Variants in ATRNL1 observed in about 807,000 individuals in gnomAD.
ATRNL1 encodes attractin-like protein 1.
ATRNL1 carries 95 observed loss-of-function variants against 182.7 expected under a neutral mutation model. That is an observed-to-expected ratio of 0.52 (90% CI 0.44 to 0.62). ATRNL1 has a LOEUF of 0.62. ATRNL1 is among the 20% of genes least tolerant of loss of function. The pLI, the probability that ATRNL1 is intolerant of heterozygous loss-of-function variation, is 0.00. For missense variants in ATRNL1, 1,471 were observed against 1,679.5 expected (o/e 0.88, Z 2.17); for synonymous variants, 576 against 568.3 (o/e 1.01, Z -0.19).
At chr10:115,641,969 G>A (rs1314178875) in intron 26 of ATRNL1, among the ~76,000 whole-genome samples, 1 of 151,892 alleles carries the variant, frequency 6.6e-6, no homozygotes, top group Middle Eastern at 3.2e-3. Flanking sequence ...GTATGTGATT[G>A]ATTACTTAAA....
chr10:115,104,173 G>C (rs549073926), intron 1 of ATRNL1, among the ~76,000 whole-genome samples: 9 of 152,272 alleles, frequency 5.9e-5, no homozygotes, highest in African/African-American at 2.2e-4. Flanking sequence ...ATGTAAGAGG[G>C]TTCCCTTTTC....
intron 17 of ATRNL1, among the ~76,000 whole-genome samples, chr10:115,313,285 T>G (rs937433956): frequency 2.6e-4 from 40 of 152,220 alleles, no homozygotes; most frequent in African/African-American, 9.6e-4. Context: ...AATTTATTTT[T>G]GATTCAACTG....
intron 19 of ATRNL1, among the ~76,000 whole-genome samples, chr10:115,341,794 T>A (rs1399888974): frequency 6.6e-6 from 1 of 152,172 alleles, no homozygotes; most frequent in Non-Finnish European, 1.5e-5. Context: ...CTTTTGTTTT[T>A]CGTCTTGAAA....
chr10:115,569,118 G>C (rs1314062798), intron 26 of ATRNL1, among the ~76,000 whole-genome samples: 1 of 151,934 alleles, frequency 6.6e-6, no homozygotes, highest in Non-Finnish European at 1.5e-5. Flanking sequence ...AACCTCATCT[G>C]TTAGAGTTGA....
intron 5 of ATRNL1, among the ~76,000 whole-genome samples, chr10:115,138,019 A>C (rs1845594120): frequency 6.6e-6 from 1 of 152,218 alleles, no homozygotes; most frequent in Admixed American, 6.5e-5. Flanking sequence ...TTGGCAAAGC[A>C]AAGGGGCCAC....
At chr10:115,389,540 G>GTGTATA (rs1279140127) in intron 19 of ATRNL1, among the ~76,000 whole-genome samples, 7 of 44,486 alleles carry the variant, frequency 1.6e-4, no homozygotes, top group African/African-American at 3.8e-4. Context: ...ATGTGTATGT[G>GTGTATA]TATATATATA....
chr10:115,517,017 C>T (rs1850673696), intron 24 of ATRNL1, among the ~76,000 whole-genome samples: 1 of 151,874 alleles, frequency 6.6e-6, no homozygotes, highest in African/African-American at 2.4e-5. Context: ...ATAATAGGAG[C>T]TTTGTCTTAT....
intron 28 of ATRNL1, among the ~76,000 whole-genome samples, chr10:115,861,795 C>A (rs372381686): frequency 2.0e-5 from 3 of 151,898 alleles, no homozygotes; most frequent in African/African-American, 7.3e-5. Flanking sequence ...TTTTTAACAC[C>A]ATTCTTTTTC....
chr10:115,205,379 C>T (rs1241532974), intron 8 of ATRNL1, among the ~76,000 whole-genome samples: 1 of 151,670 alleles, frequency 6.6e-6, no homozygotes, highest in African/African-American at 2.4e-5. Context: ...TTTAATCATG[C>T]TGTTTTGATT....
chr10:115,287,011 A>G (rs1852651972), intron 15 of ATRNL1, among the ~76,000 whole-genome samples: 1 of 151,986 alleles, frequency 6.6e-6, no homozygotes, highest in Non-Finnish European at 1.5e-5. Flanking sequence ...TATGATATTT[A>G]TGGATGTTAG....
intron 20 of ATRNL1, among the ~76,000 whole-genome samples, chr10:115,415,621 A>G (rs756869474): frequency 1.8e-4 from 28 of 151,836 alleles, no homozygotes; most frequent in Non-Finnish European, 4.0e-4. Flanking sequence ...TAATTATGTA[A>G]TTAACTTGTC....
At chr10:115,126,349 C>T (rs1274863170) in intron 3 of ATRNL1, among the ~76,000 whole-genome samples, 17 of 152,172 alleles carry the variant, frequency 1.1e-4, no homozygotes, top group African/African-American at 2.4e-4. Flanking sequence ...TGAGCCACTG[C>T]GCCTGGCCCA....
intron 3 of ATRNL1, among the ~76,000 whole-genome samples, chr10:115,123,868 T>C (rs967558816): frequency 6.6e-6 from 1 of 151,934 alleles, no homozygotes; most frequent in African/African-American, 2.4e-5. Context: ...GAACTGTGCA[T>C]GTGAGGGATC....
At chr10:115,223,402 C>G (rs74601349) in intron 9 of ATRNL1, among the ~76,000 whole-genome samples, 133 of 152,146 alleles carry the variant, frequency 8.7e-4, no homozygotes, top group African/African-American at 3.1e-3. Context: ...AAAGATAAAC[C>G]TTAAATAAAA....
intron 28 of ATRNL1, among the ~76,000 whole-genome samples, chr10:115,875,249 G>T (rs1305186796): frequency 6.6e-6 from 1 of 152,144 alleles, no homozygotes; most frequent in African/African-American, 2.4e-5. Flanking sequence ...ATCTTTTCTG[G>T]TTGAATACAG....
intron 11 of ATRNL1, 66 bp downstream of exon 11, chr10:115,265,343 G>T (rs2133880418): frequency 4.0e-6 from 4 of 998,664 alleles, no homozygotes; most frequent in East Asian, 2.6e-5. Context: ...CTCATATTCT[G>T]GTATTCTTTT....
intron 17 of ATRNL1, among the ~76,000 whole-genome samples, chr10:115,309,084 C>G (rs538198518): frequency 2.0e-5 from 3 of 152,042 alleles, no homozygotes; most frequent in Non-Finnish European, 4.4e-5. Flanking sequence ...GGCTTTATAT[C>G]TGGGTTCTCT....
chr10:115,246,278 A>G (rs962348374), intron 10 of ATRNL1, among the ~76,000 whole-genome samples: 1 of 152,204 alleles, frequency 6.6e-6, no homozygotes, highest in South Asian at 2.1e-4. Context: ...AGTTAAGTCT[A>G]CATTCAGAGT....
At chr10:115,267,566 G>C (rs1234527701) in intron 12 of ATRNL1, among the ~76,000 whole-genome samples, 4 of 151,886 alleles carry the variant, frequency 2.6e-5, no homozygotes, top group Non-Finnish European at 4.4e-5. Flanking sequence ...TTTAAGTGCT[G>C]AGAGTTTTTA....
Sources: allele counts gnomAD v4.1 joint callset (sites outside exome capture counted in the v4.1 genomes callset), GRCh38; gene constraint gnomAD v4.1.1; transcripts MANE v1.5; gene names NCBI Gene and HGNC (gene_info 2026-07-23, HGNC 2026-07-21).